Variants in HERC1 observed in about 807,000 individuals in gnomAD.
The protein encoded by HERC1 is probable E3 ubiquitin-protein ligase HERC1.
HERC1 carries 160 observed loss-of-function variants against 554.3 expected under a neutral mutation model. That is an observed-to-expected ratio of 0.29 (90% CI 0.25 to 0.33). HERC1 has a LOEUF of 0.33. Among genes scored for constraint, HERC1 ranks in the 10% least tolerant of loss-of-function variants. The pLI is 1.00. For missense variants in HERC1, 4,919 were observed against 5,918.5 expected (o/e 0.83, Z 5.54); for synonymous variants, 2,175 against 2,131.7 (o/e 1.02, Z -0.56).
intron 13 of HERC1, among the ~76,000 whole-genome samples, chr15:63,733,350 C>T (rs1375185306): frequency 2.0e-5 from 3 of 152,118 alleles, no homozygotes; most frequent in African/African-American, 7.2e-5. Flanking sequence ...GTTTTTATTT[C>T]AGCCTTCATT....
Position 63,626,089 on chromosome 15 carries a change from C to T in HERC1, c.13171G>A (p.Glu4391Lys), listed in dbSNP as rs1317541646. ...TVPPQYGALR[E>K]VSIHTVRARL... is the part of the protein sequence containing the mutation. ...GCCCGCACCGTGTGAATGCTGACTT[C>T]TCTCAGCGCCCCATACTGGGGGGGC... The change falls in exon 71 of 78, where the codon GAA (glutamate) becomes AAA (lysine). Residue 4391 changes from glutamate (E) to lysine (K), a missense_variant. Around this residue, in one of 11 missense-constraint regions of HERC1, gnomAD observed 410 missense variants for 467.0 expected, o/e 0.88. Coordinates refer to ENST00000443617, the MANE Select transcript of HERC1 (RefSeq NM_003922.4). 4.3e-6 allele frequency: 7 copies of T among 1,613,754 alleles called. No homozygotes were observed. The highest frequency in any genetic ancestry group is 5.9e-6 in the Non-Finnish European group (7 of 1,179,762).
In HERC1 at chr15:63,755,194, C is replaced by G. The variant is rs1246738257; in HGVS notation, c.1630+35G>C. On this transcript the variant is annotated intron_variant, in intron 6 of 77. Transcript: ENST00000443617. ...CAGTAACTTAATCATTTCTAATTTT[C>G]TAGAAGAATAACTTACATTTTTAAA... 12 of 1,400,402 alleles carry G rather than the reference C, an allele frequency of 8.6e-6. 1 individual carries two copies. The highest frequency in any genetic ancestry group is 1.2e-5 in the Non-Finnish European group (12 of 991,118). 86.7% of individuals were successfully genotyped at this position (1,400,402 alleles called of 1,614,324 possible).
At chr15:63,728,272 A>T (rs1038251398) in intron 16 of HERC1, among the ~76,000 whole-genome samples, 4 of 152,216 alleles carry the variant, frequency 2.6e-5, no homozygotes, top group Admixed American at 2.0e-4. Context: ...CTAGTGAGGG[A>T]ATGCTTTCAT....
intron 16 of HERC1, among the ~76,000 whole-genome samples, 179 bp downstream of exon 16, chr15:63,729,057 C>G (rs2074162248): frequency 6.6e-6 from 1 of 152,072 alleles, no homozygotes; most frequent in African/African-American, 2.4e-5. Context: ...CAAGTAGACT[C>G]TTTCTAAGAC....
Position 63,749,222 on chromosome 15 carries a change from A to G in HERC1, c.2219+145T>C, listed in dbSNP as rs2075159099. ...TAAAAAGAAATCTAATGTCATTTCT[A>G]TGATAGAGAAAAAGCAATACTATAT... On this transcript the variant is annotated intron_variant, in intron 10 of 77. Transcript: ENST00000443617. The surrounding 1 kb of genome is among the most constrained non-coding windows in gnomAD (Gnocchi z 4.1). 3 of 604,452 alleles carry G rather than the reference A, an allele frequency of 5.0e-6. No individual in the cohort carries two copies. The highest frequency in any genetic ancestry group is 3.1e-5 in the South Asian group (1 of 32,522). The allele number at this position is 604,452 out of a possible 1,614,324, so 37.4% of individuals were successfully genotyped here.
Position 63,641,492 on chromosome 15 carries a change from T to A in HERC1, c.11585A>T (p.Gln3862Leu), listed in dbSNP as rs1335943120. 6.2e-7 allele frequency: 1 copy of A among 1,613,164 alleles called. No individual in the cohort carries two copies. Among genetic ancestry groups the A allele is most frequent in the African/African-American group, 1.3e-5 (1 of 74,894 alleles). Residue 3862 changes from glutamine to leucine, a missense_variant, in exon 60 of 78, where the codon CAG (glutamine) becomes CTG (leucine). Coordinates refer to ENST00000443617, the MANE Select transcript of HERC1 (RefSeq NM_003922.4). ...TACCTTTTCATAGGCATACTGCTCC[T>A]GAAGCATCATGGGGAGCCGCTCCAA... ...AFLERLPMML[Q>L]EQYAYEKPHV...
intron 70 of HERC1, 87 bp downstream of exon 70, chr15:63,628,590 A>C: frequency 4.5e-6 from 6 of 1,345,658 alleles, no homozygotes; most frequent in Non-Finnish European, 5.0e-6. Context: ...ACGATGCTGG[A>C]TACAGTTGGG....
chr15:63,699,957 G>A (rs1450350688), intron 25 of HERC1, among the ~76,000 whole-genome samples: 2 of 151,938 alleles, frequency 1.3e-5, no homozygotes, highest in African/African-American at 2.4e-5. Context: ...GTCCATGCAT[G>A]GCCCAATTTT....
intron 25 of HERC1, among the ~76,000 whole-genome samples, chr15:63,704,914 A>G (rs2072923177): frequency 6.6e-6 from 1 of 151,408 alleles, no homozygotes; most frequent in Non-Finnish European, 1.5e-5. Flanking sequence ...AATTTTTTGT[A>G]TTTTTAGTAG....
Position 63,645,048 on chromosome 15 carries a change from T to G in HERC1, c.11128A>C (p.Thr3710Pro), listed in dbSNP as rs752231060. ...VCVWRIPQDT[T>P]QTNVTSAEGW... ...TCTGCACTAGTCACATTGGTCTGTG[T>G]AGTATCTTGAGGAATGCGCCAAACA... Residue 3710 changes from threonine (T) to proline (P), a missense_variant, in exon 57 of 78, where the codon ACA becomes CCA. By Grantham distance (38) the Thr-to-Pro change is conservative. This residue lies in a region of HERC1 where 1,963 missense variants were observed against 2,228.6 expected (regional missense o/e 0.88). Transcript: ENST00000443617. 33 of 1,613,746 alleles carry G rather than the reference T, an allele frequency of 2.0e-5. No homozygotes were observed. The highest frequency in any genetic ancestry group is 2.8e-5 in the Non-Finnish European group (33 of 1,179,808).
intron 75 of HERC1, among the ~76,000 whole-genome samples, chr15:63,616,196 T>G (rs1394533998): frequency 6.6e-6 from 1 of 151,538 alleles, no homozygotes. Flanking sequence ...GGTTCTTCAC[T>G]CTAACAGGCA....
intron 76 of HERC1, among the ~76,000 whole-genome samples, chr15:63,614,693 T>C (rs983867751): frequency 1.3e-5 from 2 of 152,230 alleles, no homozygotes; most frequent in African/African-American, 4.8e-5. Flanking sequence ...TGAAATGCTA[T>C]TAATGACTGT....
intron 10 of HERC1, 92 bp from the exon 11 acceptor site, chr15:63,747,950 G>T: frequency 7.9e-7 from 1 of 1,267,806 alleles, no homozygotes; most frequent in Non-Finnish European, 1.1e-6. Flanking sequence ...TATTGGCTGG[G>T]CACGGTGGCT....
At chr15:63,621,818 C>T (rs182383885) in intron 74 of HERC1, among the ~76,000 whole-genome samples, 12 of 152,190 alleles carry the variant, frequency 7.9e-5, no homozygotes, top group African/African-American at 1.9e-4. Context: ...ACGTAGTTTT[C>T]GTGCCACGGT....
chr15:63,676,342 C>T (rs2071205653), intron 37 of HERC1, among the ~76,000 whole-genome samples: 1 of 152,130 alleles, frequency 6.6e-6, no homozygotes, highest in Non-Finnish European at 1.5e-5. Context: ...AAGGCAGAGT[C>T]CATTAACCCC....
intron 37 of HERC1, among the ~76,000 whole-genome samples, chr15:63,675,869 TATTA>T (rs886538920): frequency 1.3e-5 from 2 of 152,078 alleles, no homozygotes; most frequent in African/African-American, 4.8e-5. Flanking sequence ...TGTTTTAATT[TATTA>T]ATTCACTTAT....
At chr15:63,810,865 C>T (rs968297680) in intron 1 of HERC1, among the ~76,000 whole-genome samples, 1 of 152,116 alleles carries the variant, frequency 6.6e-6, no homozygotes, top group African/African-American at 2.4e-5. Flanking sequence ...TGAGTGCCTC[C>T]TGAGGTGATT....
rs143905395 is a variant in HERC1, at chr15:63,666,519, C to T, written c.8207-47G>A. The T allele has an allele frequency of 4.1e-5, 50 of 1,225,282 alleles. 1 individual carries two copies. The East Asian group carries it at 4.7e-4, about 11-fold the overall frequency. The allele number at this position is 1,225,282 out of a possible 1,614,324, so 75.9% of individuals were successfully genotyped here. On this transcript the variant is annotated intron_variant, in intron 40 of 77. Transcript: ENST00000443617. ...TAAGAACCTAAATATCACTAGATAC[C>T]GTGAGTAAAAAGTGTCTTCATAGTC... is the stretch of plus-strand genomic sequence containing the variant.
At chr15:63,639,478 G>A (rs2068936240) in intron 61 of HERC1, among the ~76,000 whole-genome samples, 1 of 152,136 alleles carries the variant, frequency 6.6e-6, no homozygotes, top group South Asian at 2.1e-4. Context: ...CGTCAAGATT[G>A]CCTAACAATG....
Sources: allele counts gnomAD v4.1 joint callset (sites outside exome capture counted in the v4.1 genomes callset), GRCh38; gene constraint gnomAD v4.1.1; regional missense constraint gnomAD v4.1.1; non-coding constraint Gnocchi (gnomAD v3.1); transcripts MANE v1.5; gene names NCBI Gene and HGNC (gene_info 2026-07-23, HGNC 2026-07-21).